PCDHB1: variants seen among roughly 807,000 people sequenced by gnomAD.
PCDHB1 encodes the protein protocadherin beta 1.
PCDHB1 carries 44 observed loss-of-function variants against 43.5 expected under a neutral mutation model. That is an observed-to-expected ratio of 1.01 (90% CI 0.79 to 1.30). The LOEUF is 1.30. PCDHB1 is among the 50% of genes most tolerant of loss of function. The pLI is 0.00. For synonymous variants in PCDHB1, 392 were observed against 400.8 expected, an observed-to-expected ratio of 0.98 and a Z score of 0.26; for missense variants, 919 against 1,008.9, an observed-to-expected ratio of 0.91 and a Z score of 1.21.
Position 141,059,229 on chromosome 5 carries a change from A to G in PCDHB1, c.*5302A>G, listed in dbSNP as rs576723766. The G allele has an allele frequency of 6.6e-6, 1 of 152,278 alleles. No homozygotes were observed. Among genetic ancestry groups the G allele is most frequent in the Admixed American group, 6.5e-5 (1 of 15,292 alleles). The allele number at this position is 152,278 out of a possible 1,614,324, so 9.4% of individuals were successfully genotyped here. A position where few individuals can be genotyped will look rare whatever the true frequency, so the allele number is the denominator to read the frequency against. On this transcript the variant is annotated 3_prime_UTR_variant, in exon 1 of 1. Transcript: ENST00000306549. ...ATATAGTTTAAGCTATATATACCTG[A>G]GATACTATTTAAAAATAGACTTATA...
At position 141,054,078 on chromosome 5, in the gene PCDHB1, A is replaced by G; in HGVS notation, c.*151A>G. On this transcript the variant is annotated 3_prime_UTR_variant, in exon 1 of 1. Coordinates refer to ENST00000306549, the MANE Select transcript of PCDHB1 (RefSeq NM_013340.4). ...AGTTTGGTGAAAATGGGAAACCTAG[A>G]GTGAGGCTAGGCTTACTCAATACAA... is the stretch of plus-strand genomic sequence containing the variant. 1 of 639,704 alleles carries G rather than the reference A, an allele frequency of 1.6e-6. No homozygotes were observed. Among genetic ancestry groups the G allele is most frequent in the African/African-American group, 1.8e-5 (1 of 54,738 alleles). The allele number at this position is 639,704 out of a possible 1,614,324, so 39.6% of individuals were successfully genotyped here. A position where few individuals can be genotyped will look rare whatever the true frequency, so the allele number is the denominator to read the frequency against.
rs1386637177 is a variant in PCDHB1 at position 141,056,654 on chromosome 5, G to A, written c.*2727G>A. On this transcript the variant is annotated 3_prime_UTR_variant, in exon 1 of 1. Transcript: ENST00000306549. ...AAGTCTTGCTCTGTCACCCAGGCTG[G>A]AGTACAGTGGCATGATCTCGGCTCA... 6.6e-6 allele frequency: 1 copy of A among 152,156 alleles called. No homozygotes were observed. 9.4% of individuals were successfully genotyped at this position (152,156 alleles called of 1,614,324 possible).
At position 141,052,074 on chromosome 5, in the gene PCDHB1, C is replaced by G; in HGVS notation, c.604C>G (p.Arg202Gly). 1.2e-6 allele frequency: 2 copies of G among 1,614,096 alleles called. No homozygotes were observed. Among genetic ancestry groups the G allele is most frequent in the Non-Finnish European group, 1.7e-6 (2 of 1,180,030 alleles). Residue 202 changes from arginine (R) to glycine (G), a missense_variant, in exon 1 of 1, where the codon CGA (arginine) becomes GGA (glycine). By Grantham distance (125) the Arg-to-Gly change is moderately radical (BLOSUM62 -2). Transcript: ENST00000306549. The part of the protein sequence containing the change: ...AELVLNKPLD[R>G]EEQPEVNLTI... ...GCTGGTGCTGAACAAACCCCTGGAC[C>G]GAGAGGAGCAGCCTGAAGTCAACTT...
chr5:141,052,309 C>T lies in PCDHB1; in HGVS notation c.839C>T (p.Ser280Phe). ...GGCACCAACAAAGCGATAACTTACT[C>T]TTTAGCTCAAAACCCAGAAGCAATT... ...DEGTNKAITYSLAQNPEAILK... is the reference protein window; with the variant it reads ...DEGTNKAITYFLAQNPEAILK... Residue 280 changes from serine (S) to phenylalanine (F), a missense_variant, in exon 1 of 1, where the codon TCT becomes TTT. By Grantham distance (155) the Ser-to-Phe change is radical (BLOSUM62 -2). Coordinates refer to ENST00000306549, the MANE Select transcript of PCDHB1 (RefSeq NM_013340.4). The T allele has an allele frequency of 1.2e-6, 2 of 1,614,240 alleles. No homozygotes were observed. The highest frequency in any genetic ancestry group is 2.7e-5 in the African/African-American group (2 of 75,066).
In PCDHB1 at chr5:141,051,516, T is replaced by A. The variant is rs1554267021; in HGVS notation, c.46T>A (p.Ser16Thr). 1.2e-6 allele frequency: 2 copies of A among 1,614,204 alleles called. No individual in the cohort carries two copies. Among genetic ancestry groups the A allele is most frequent in the Admixed American group, 3.3e-5 (2 of 60,028 alleles). Residue 16 changes from serine to threonine, a missense_variant, in exon 1 of 1, where the codon TCT becomes ACT. Ser to Thr is a moderately conservative substitution (Grantham distance 58). Transcript: ENST00000306549. ...RKSLQNRQVG[S>T]LLIFLCISVG... ...ATCTTTGCAAAACAGGCAAGTGGGA[T>A]CTCTTCTCATTTTTCTGTGCATATC...
rs782089286 is a variant in PCDHB1 at position 141,052,882 on chromosome 5, T to G, written c.1412T>G (p.Ile471Ser). Residue 471 changes from isoleucine (I) to serine (S), a missense_variant, in exon 1 of 1, where the codon ATT becomes AGT. Transcript: ENST00000306549. The part of the protein sequence containing the change: ...VRENNSPAVF[I>S]GKVHAEDLDL... ...GAAAACAACAGTCCTGCGGTTTTTATTGGCAAAGTCCATGCTGAGGATCTT... is the reference window on the plus strand; with the variant it reads ...GAAAACAACAGTCCTGCGGTTTTTAGTGGCAAAGTCCATGCTGAGGATCTT... 4.3e-6 allele frequency: 7 copies of G among 1,614,090 alleles called. No individual in the cohort carries two copies. In the East Asian group the frequency reaches 1.6e-4, roughly 36 times the overall value.
chr5:141,052,775 G>A lies in PCDHB1; in HGVS notation c.1305G>A (p.Glu435=). ...MDTGPPSLSA[E]TMIEVLISDV... The stretch of plus-strand genomic sequence containing the variant: ...CTGGACCACCTAGCTTGTCTGCCGA[G>A]ACTATGATAGAGGTGCTAATATCCG... The change falls in exon 1 of 1, where the codon GAG becomes GAA. Residue 435 remains glutamate, a synonymous_variant. Transcript: ENST00000306549. The A allele has an allele frequency of 1.9e-6, 3 of 1,614,144 alleles. No individual in the cohort carries two copies. The highest frequency in any genetic ancestry group is 2.5e-6 in the Non-Finnish European group (3 of 1,180,022).
Position 141,052,685 on chromosome 5 carries a change from C to T in PCDHB1, c.1215C>T (p.Val405=), listed in dbSNP as rs781839042. The T allele has an allele frequency of 6.2e-7, 1 of 1,614,192 alleles. No individual in the cohort carries two copies. Among genetic ancestry groups the T allele is most frequent in the Non-Finnish European group, 8.5e-7 (1 of 1,180,038 alleles). ...CATTTGGGAATTCTTACTCACTGGT[C>T]ACTGACAGAAGCTTGGATCGGGAGG... ...KPTFGNSYSL[V]TDRSLDREEV... The change falls in exon 1 of 1, where the codon GTC becomes GTT. Residue 405 remains valine (V), a synonymous_variant. Transcript: ENST00000306549.
rs782629233 is a variant in PCDHB1, at chr5:141,051,924, T to C, written c.454T>C (p.Phe152Leu). ...GGAGAGCACCCCTTTGGGTTCACGT[T>C]TTCCTCTGCAGAGCGCCCAGGATCT... ...IPESTPLGSR[F>L]PLQSAQDLDV... Residue 152 changes from phenylalanine to leucine, a missense_variant, in exon 1 of 1, where the codon TTT becomes CTT. Physicochemically the swap from Phe to Leu is conservative, Grantham distance 22. Transcript: ENST00000306549. 26 of 1,614,016 alleles carry C rather than the reference T, an allele frequency of 1.6e-5. No homozygotes were observed. The Admixed American group carries it at 4.3e-4, about 27-fold the overall frequency.
rs782187580 is a variant in PCDHB1, at chr5:141,051,859, C to A, written c.389C>A (p.Ala130Asp). 2.5e-6 allele frequency: 4 copies of A among 1,614,044 alleles called. No homozygotes were observed. The highest frequency in any genetic ancestry group is 3.4e-6 in the Non-Finnish European group (4 of 1,180,016). ...AGGGTATTTGATATCAATGACAATG[C>A]CCCAGTTTTCCTAAACAAGGAGCCG... ...EVRVFDINDN[A>D]PVFLNKEPLL... Residue 130 changes from alanine (A) to aspartate (D), a missense_variant, in exon 1 of 1, where the codon GCC (alanine) becomes GAC (aspartate). Coordinates refer to ENST00000306549, the MANE Select transcript of PCDHB1 (RefSeq NM_013340.4).
At position 141,051,796 on chromosome 5, in the gene PCDHB1, T is replaced by C; in HGVS notation, c.326T>C (p.Val109Ala). The C allele has an allele frequency of 6.2e-7, 1 of 1,614,228 alleles. No individual in the cohort carries two copies. The highest frequency in any genetic ancestry group is 8.5e-7 in the Non-Finnish European group (1 of 1,180,036). The change falls in exon 1 of 1, where the codon GTC becomes GCC. Residue 109 changes from valine (V) to alanine (A), a missense_variant. Physicochemically the swap from Val to Ala is moderately conservative, Grantham distance 64 (BLOSUM62 0). Transcript: ENST00000306549. ...ADPCVLHFEV[V>A]LVEPLQSFRA... The stretch of plus-strand genomic sequence containing the variant: ...CCTTGTGTTCTGCACTTTGAAGTAG[T>C]CCTGGTGGAGCCGCTGCAGTCCTTC...
chr5:141,054,271 G>A lies in PCDHB1; in HGVS notation c.*344G>A, dbSNP rs1240381157. On this transcript the variant is annotated 3_prime_UTR_variant, in exon 1 of 1. Transcript: ENST00000306549. ...GCCATTATTCACATTTTCCTTAGAAGTTCATTGGTCCTGGCCCAGGAAATA... is the reference window on the plus strand; with the variant it reads ...GCCATTATTCACATTTTCCTTAGAAATTCATTGGTCCTGGCCCAGGAAATA... 5.0e-6 allele frequency: 1 copy of A among 199,868 alleles called. No homozygotes were observed. The highest frequency in any genetic ancestry group is 2.3e-5 in the African/African-American group (1 of 43,344). The allele number at this position is 199,868 out of a possible 1,614,324, so 12.4% of individuals were successfully genotyped here.
At position 141,052,838 on chromosome 5, in the gene PCDHB1, C is replaced by G. The variant is rs782580598; in HGVS notation, c.1368C>G (p.Ser456=). 1.9e-6 allele frequency: 3 copies of G among 1,614,016 alleles called. No individual in the cohort carries two copies. The East Asian group carries it at 6.7e-5, about 36-fold the overall frequency. Residue 456 remains serine, a synonymous_variant, in exon 1 of 1, where the codon TCC becomes TCG. Coordinates refer to ENST00000306549, the MANE Select transcript of PCDHB1 (RefSeq NM_013340.4). The part of the protein sequence containing the change: ...NDNPPIFRED[S]YILTVRENNS... The stretch of plus-strand genomic sequence containing the variant: ...ATCCTCCAATATTTCGGGAAGATTC[C>G]TATATCTTGACTGTTCGAGAAAACA...
chr5:141,052,792 T>TA lies in PCDHB1; in HGVS notation c.1324dup (p.Ile442AsnfsTer5). 6 of 1,614,190 alleles carry TA rather than the reference T, an allele frequency of 3.7e-6. No individual in the cohort carries two copies. Among genetic ancestry groups the TA allele is most frequent in the Non-Finnish European group, 4.2e-6 (5 of 1,180,030 alleles). On this transcript the variant is annotated frameshift_variant, in exon 1 of 1. Coordinates refer to ENST00000306549, the MANE Select transcript of PCDHB1 (RefSeq NM_013340.4). LOFTEE classifies it high-confidence loss of function. ...TCTGCCGAGACTATGATAGAGGTGC[T>TA]AATATCCGACGTTAATGACAATCCT...
rs1187417139 is a variant in PCDHB1, at chr5:141,059,320, C to CTAAAAATAAAGA, written c.*5394_*5405dup. 1 of 152,032 alleles carries CTAAAAATAAAGA rather than the reference C, an allele frequency of 6.6e-6. No individual in the cohort carries two copies. The highest frequency in any genetic ancestry group is 1.5e-5 in the Non-Finnish European group (1 of 68,004). The allele number at this position is 152,032 out of a possible 1,614,324, so 9.4% of individuals were successfully genotyped here. ...GTCTGTCTGATATTATGTAATTCTC[C>CTAAAAATAAAGA]TAAAAATAAAGAATTTCTTTATCAT... On this transcript the variant is annotated 3_prime_UTR_variant, in exon 1 of 1. Coordinates refer to ENST00000306549, the MANE Select transcript of PCDHB1 (RefSeq NM_013340.4).
rs576937883 is a variant in PCDHB1 at position 141,056,934 on chromosome 5, A to G, written c.*3007A>G. On this transcript the variant is annotated 3_prime_UTR_variant, in exon 1 of 1. Coordinates refer to ENST00000306549, the MANE Select transcript of PCDHB1 (RefSeq NM_013340.4). Reference sequence around the variant, plus strand: ...AGCCTAGAATTAATTTTTATGGGTAAGCAATAATTAGTTAATAAAACATGC... The same window carrying G: ...AGCCTAGAATTAATTTTTATGGGTAGGCAATAATTAGTTAATAAAACATGC... The G allele has an allele frequency of 2.6e-5, 4 of 152,356 alleles. No individual in the cohort carries two copies. In the East Asian group the frequency reaches 7.7e-4, roughly 29 times the overall value. 9.4% of individuals were successfully genotyped at this position (152,356 alleles called of 1,614,324 possible). A position where few individuals can be genotyped will look rare whatever the true frequency, so the allele number is the denominator to read the frequency against.
At position 141,053,456 on chromosome 5, in the gene PCDHB1, G is replaced by A. The variant is rs537828632; in HGVS notation, c.1986G>A (p.Leu662=). Residue 662 remains leucine, a synonymous_variant, in exon 1 of 1, where the codon CTG becomes CTA. Coordinates refer to ENST00000306549, the MANE Select transcript of PCDHB1 (RefSeq NM_013340.4). ...CCACTACTGTCTCACTCAACATCCT[G>A]CTGGTAGATGGCTTTTCAGAGCCCT... ...ALSTTVSLNI[L]LVDGFSEPYL... 6 of 1,614,162 alleles carry A rather than the reference G, an allele frequency of 3.7e-6. No homozygotes were observed. In the African/African-American group the frequency reaches 6.7e-5, roughly 18 times the overall value.
rs1751174047 is a variant in PCDHB1 at position 141,058,299 on chromosome 5, G to T, written c.*4372G>T. ...TCTTACCTTGTCTATCATGACTTGA[G>T]ATTTTTGAAGAGTACTAGCCAGTTA... On this transcript the variant is annotated 3_prime_UTR_variant, in exon 1 of 1. Coordinates refer to ENST00000306549, the MANE Select transcript of PCDHB1 (RefSeq NM_013340.4). The T allele has an allele frequency of 6.6e-6, 1 of 152,164 alleles. No homozygotes were observed. The highest frequency in any genetic ancestry group is 1.5e-5 in the Non-Finnish European group (1 of 68,038). 9.4% of individuals were successfully genotyped at this position (152,164 alleles called of 1,614,324 possible). A position where few individuals can be genotyped will look rare whatever the true frequency, so the allele number is the denominator to read the frequency against.
At position 141,053,309 on chromosome 5, in the gene PCDHB1, T is replaced by G; in HGVS notation, c.1839T>G (p.Leu613=). ...ATCATCTACTTAAGGCCACTGACCTTGGGTTATTTTCTGTTCAAAGACAAA... is the reference window on the plus strand; with the variant it reads ...ATCATCTACTTAAGGCCACTGACCTGGGGTTATTTTCTGTTCAAAGACAAA... The part of the protein sequence containing the change: ...LSYHLLKATD[L]GLFSVQRQNG... Residue 613 remains leucine (L), a synonymous_variant, in exon 1 of 1, where the codon CTT becomes CTG. Coordinates refer to ENST00000306549, the MANE Select transcript of PCDHB1 (RefSeq NM_013340.4). 1 of 1,614,200 alleles carries G rather than the reference T, an allele frequency of 6.2e-7. No homozygotes were observed. The highest frequency in any genetic ancestry group is 8.5e-7 in the Non-Finnish European group (1 of 1,180,030).
Sources: allele counts gnomAD v4.1 joint callset, GRCh38; gene constraint gnomAD v4.1.1; transcripts MANE v1.5; gene names NCBI Gene and HGNC (gene_info 2026-07-23, HGNC 2026-07-21).